The following PRKN variants were observed in gnomAD, a reference collection of about 807,000 sequenced individuals.
PRKN encodes the protein parkin RBR E3 ubiquitin protein ligase, also known as E3 ubiquitin-protein ligase parkin.
In PRKN, 56 loss-of-function variants were observed where a neutral mutation model predicts 59.5. The observed-to-expected ratio is 0.94, with a 90% CI of 0.76 to 1.18. The LOEUF (loss-of-function observed/expected upper bound fraction) is 1.18. Among genes scored for constraint, PRKN ranks in the 50% most tolerant of loss-of-function variants. PRKN has a pLI of 0.00. For synonymous variants in PRKN, 250 were observed against 222.1 expected, an observed-to-expected ratio of 1.13 and a Z score of -1.12; for missense variants, 657 against 596.4, an observed-to-expected ratio of 1.10 and a Z score of -1.06.
chr6:162,487,980 T>C (rs1792623228), intron 1 of PRKN, among the ~76,000 whole-genome samples: 2 of 149,798 alleles, frequency 1.3e-5, no homozygotes, highest in African/African-American at 2.4e-5. Context: ...GAGTTTTGCC[T>C]AGACAGCCTC....
intron 1 of PRKN, among the ~76,000 whole-genome samples, chr6:162,454,215 T>C (rs1360220379): frequency 6.6e-6 from 1 of 152,360 alleles, no homozygotes; most frequent in East Asian, 1.9e-4. Flanking sequence ...ATTATTGTAA[T>C]TATCACGTCA....
intron 4 of PRKN, among the ~76,000 whole-genome samples, chr6:162,144,925 G>A (rs529256999): frequency 3.1e-4 from 47 of 152,240 alleles, no homozygotes; most frequent in Admixed American, 2.4e-3. Context: ...AAGGGATGAG[G>A]AGCATAGCAC....
At chr6:162,295,960 C>G (rs1781654665) in intron 2 of PRKN, among the ~76,000 whole-genome samples, 1 of 152,012 alleles carries the variant, frequency 6.6e-6, no homozygotes, top group African/African-American at 2.4e-5. Context: ...TCGGATGTTC[C>G]CAAGGCCACT....
At chr6:162,669,481 C>T (rs1779237989) in intron 1 of PRKN, among the ~76,000 whole-genome samples, 1 of 152,076 alleles carries the variant, frequency 6.6e-6, no homozygotes, top group South Asian at 2.1e-4. Flanking sequence ...AATACGTTTA[C>T]ATATATATTT....
At chr6:162,145,787 G>A (rs1781999170) in intron 4 of PRKN, among the ~76,000 whole-genome samples, 1 of 152,136 alleles carries the variant, frequency 6.6e-6, no homozygotes, top group South Asian at 2.1e-4. Flanking sequence ...CAATCAGGCT[G>A]AAGTGAAGTT....
rs765289096 is a variant in PRKN at position 162,056,316 on chromosome 6, C to T, written c.535-2142G>A. On this transcript the variant is annotated intron_variant, in intron 4 of 11. Transcript: ENST00000366898. This position sits in a 1 kb window ranked among gnomAD's most constrained non-coding sequence, Gnocchi z 4.9. The stretch of plus-strand genomic sequence containing the variant: ...CATGCATAAACACACCACGCACACA[C>T]GCACACACACACAATACCACACAGC... Among the ~76,000 whole-genome samples, 3 of 151,852 alleles carry T rather than the reference C, an allele frequency of 2.0e-5. No individual in the cohort carries two copies. Among genetic ancestry groups the T allele is most frequent in the Admixed American group, 1.3e-4 (2 of 15,250 alleles).
rs1402223265 is a variant in PRKN, at chr6:161,480,041, G to T, written c.1083+68813C>A. Among the ~76,000 whole-genome samples, 1 of 152,188 alleles carries T rather than the reference G, an allele frequency of 6.6e-6. No homozygotes were observed. Among genetic ancestry groups the T allele is most frequent in the Non-Finnish European group, 1.5e-5 (1 of 68,042 alleles). On this transcript the variant is annotated intron_variant, in intron 9 of 11. Coordinates refer to ENST00000366898, the MANE Select transcript of PRKN (RefSeq NM_004562.3). This position sits in a 1 kb window ranked among gnomAD's most constrained non-coding sequence, Gnocchi z 4.1. Reference sequence around the variant, plus strand: ...CGGGATCATGGAAGCCCAGGTGAAGGTGAGCCTCTGTCAGCCTCGGCCTTG... The same window carrying T: ...CGGGATCATGGAAGCCCAGGTGAAGTTGAGCCTCTGTCAGCCTCGGCCTTG...
At chr6:162,322,380 T>G (rs1029558168) in intron 2 of PRKN, among the ~76,000 whole-genome samples, 1 of 152,096 alleles carries the variant, frequency 6.6e-6, no homozygotes, top group Non-Finnish European at 1.5e-5. Context: ...TTCCCCAAAG[T>G]AATCTACAGA....
intron 1 of PRKN, among the ~76,000 whole-genome samples, chr6:162,507,714 G>A (rs1235961572): frequency 6.6e-6 from 1 of 152,076 alleles, no homozygotes; most frequent in Non-Finnish European, 1.5e-5. Flanking sequence ...TATTATTTGA[G>A]TGATCATTTG....
chr6:161,850,629 T>G (rs1583245363), intron 6 of PRKN, among the ~76,000 whole-genome samples: 1 of 152,136 alleles, frequency 6.6e-6, no homozygotes, highest in Middle Eastern at 3.4e-3. Context: ...AAAAGTTTTT[T>G]TCTTGTTTGT....
chr6:162,527,018 T>TAA (rs56230133), intron 1 of PRKN, among the ~76,000 whole-genome samples: 3 of 151,800 alleles, frequency 2.0e-5, no homozygotes, highest in East Asian at 1.9e-4. Flanking sequence ...GAAAACAAGA[T>TAA]AAAAAAATAA....
At chr6:162,174,954 T>C (rs1238470370) in intron 4 of PRKN, among the ~76,000 whole-genome samples, 1 of 151,952 alleles carries the variant, frequency 6.6e-6, no homozygotes, top group Admixed American at 6.6e-5. Flanking sequence ...ATTCTGAGAG[T>C]TTTTAGATAA....
intron 6 of PRKN, among the ~76,000 whole-genome samples, chr6:161,814,240 A>G (rs1200101145): frequency 6.6e-6 from 1 of 152,216 alleles, no homozygotes; most frequent in Non-Finnish European, 1.5e-5. Context: ...CTGTTAAAAT[A>G]TTCTTCATAG....
At chr6:162,122,991 G>A (rs1263441423) in intron 4 of PRKN, among the ~76,000 whole-genome samples, 4 of 147,630 alleles carry the variant, frequency 2.7e-5, no homozygotes, top group African/African-American at 9.9e-5. Flanking sequence ...TTTCCACCAG[G>A]AGAAACAAAA....
rs1384434498 is a variant in PRKN at position 161,410,077 on chromosome 6, G to A, written c.1084-23200C>T. 6.6e-6 allele frequency among the ~76,000 whole-genome samples: 1 copy of A among 151,846 alleles called. No individual in the cohort carries two copies. The highest frequency in any genetic ancestry group is 1.5e-5 in the Non-Finnish European group (1 of 67,944). On this transcript the variant is annotated intron_variant, in intron 9 of 11. Coordinates refer to ENST00000366898, the MANE Select transcript of PRKN (RefSeq NM_004562.3). The surrounding 1 kb of genome is among the most constrained non-coding windows in gnomAD (Gnocchi z 5.3). ...AGATCATAGGTGTAGGCTCTGGGCA[G>A]CCCGTGCATCTGCTGGGTCAGCGGT... is the stretch of plus-strand genomic sequence containing the variant.
At chr6:162,280,949 T>TA (rs371870058) in intron 2 of PRKN, among the ~76,000 whole-genome samples, 29 of 151,562 alleles carry the variant, frequency 1.9e-4, no homozygotes, top group African/African-American at 7.0e-4. Context: ...TATGCAACCA[T>TA]AAAAAAGAAT....
intron 4 of PRKN, among the ~76,000 whole-genome samples, chr6:162,124,260 G>C (rs1583066446): frequency 6.6e-6 from 1 of 152,142 alleles, no homozygotes; most frequent in Non-Finnish European, 1.5e-5. Flanking sequence ...CTGTTAGCAT[G>C]TCTCAATTCC....
chr6:161,944,038 T>G (rs558240342), intron 6 of PRKN, among the ~76,000 whole-genome samples: 1 of 134,000 alleles, frequency 7.5e-6, no homozygotes, highest in Non-Finnish European at 1.7e-5. Context: ...GGAATCAGCC[T>G]GAGGGACCAG....
intron 6 of PRKN, among the ~76,000 whole-genome samples, chr6:161,916,722 C>T (rs1383689606): frequency 2.0e-5 from 3 of 152,182 alleles, no homozygotes; most frequent in Non-Finnish European, 2.9e-5. Context: ...TACCCGGTTC[C>T]GTTCCTTACT....
Sources: gnomAD v4.1 joint callset for allele counts (sites outside exome capture counted in the v4.1 genomes callset) on GRCh38, gnomAD v4.1.1 for gene constraint, Gnocchi (gnomAD v3.1) non-coding constraint, MANE v1.5 for transcripts, NCBI Gene and HGNC (gene_info 2026-07-23, HGNC 2026-07-21) for gene names.